ADAM10: variants seen among roughly 807,000 people sequenced by gnomAD.
The protein encoded by ADAM10 is ADAM metallopeptidase domain 10.
In ADAM10, 17 loss-of-function variants were observed where a neutral mutation model predicts 90.1. The observed-to-expected ratio is 0.19, with a 90% confidence interval of 0.13 to 0.28. The LOEUF (loss-of-function observed/expected upper bound fraction) is 0.28. ADAM10 is among the 10% of genes least tolerant of loss of function. ADAM10 has a pLI of 1.00. For missense variants in ADAM10, 610 were observed against 914.3 expected (o/e 0.67, Z 4.29); for synonymous variants, 310 against 298.6 (o/e 1.04, Z -0.40).
chr15:58,613,707 C>A (rs1205954210), intron 11 of ADAM10, among the ~76,000 whole-genome samples: 1 of 151,872 alleles, frequency 6.6e-6, no homozygotes, highest in Non-Finnish European at 1.5e-5. Flanking sequence ...AAAAGAAAAT[C>A]TCTGAACTTC....
intron 1 of ADAM10, among the ~76,000 whole-genome samples, chr15:58,729,548 A>T (rs1218318732): frequency 1.3e-5 from 2 of 152,172 alleles, no homozygotes; most frequent in East Asian, 3.8e-4. Flanking sequence ...GAAGCACTGT[A>T]ACCTTTCTTC....
chr15:58,696,498 C>T (rs1166816364), intron 2 of ADAM10, among the ~76,000 whole-genome samples: 1 of 146,474 alleles, frequency 6.8e-6, no homozygotes, highest in African/African-American at 2.6e-5. Context: ...GAGTCTCACT[C>T]TCTCTCGCCC....
Position 58,589,530 on chromosome 15 carries a change from G to A in ADAM10, c.*8017C>T, listed in dbSNP as rs151156142. ...AAACCCCTCTGTACTGTAACTGCTG[G>A]TTTCTTTCCTTCCGCTAGACCCTCA... On this transcript the variant is annotated 3_prime_UTR_variant, in exon 16 of 16. Transcript: ENST00000260408. 1 of 152,312 alleles carries A rather than the reference G, an allele frequency of 6.6e-6. No homozygotes were observed. The highest frequency in any genetic ancestry group is 1.9e-4 in the East Asian group (1 of 5,186). The allele number at this position is 152,312 out of a possible 1,614,324, so 9.4% of individuals were successfully genotyped here. A position where few individuals can be genotyped will look rare whatever the true frequency, so the allele number is the denominator to read the frequency against.
At chr15:58,694,089 C>T (rs917463242) in intron 2 of ADAM10, among the ~76,000 whole-genome samples, 23 of 152,186 alleles carry the variant, frequency 1.5e-4, no homozygotes, top group African/African-American at 4.8e-4. Flanking sequence ...TCACACACTG[C>T]TGATGGGAAT....
intron 1 of ADAM10, among the ~76,000 whole-genome samples, chr15:58,722,726 C>CTT (rs71116592): frequency 0.092 from 9,529 of 103,830 alleles, 697 homozygotes; most frequent in East Asian, 0.28. Context: ...AATTTGAGAA[C>CTT]TTTTTTTTTT....
chr15:58,636,044 C>T (rs943105727), intron 8 of ADAM10, among the ~76,000 whole-genome samples: 4 of 152,022 alleles, frequency 2.6e-5, no homozygotes, highest in Non-Finnish European at 4.4e-5. Flanking sequence ...TGGGTGGCGG[C>T]GGCAGGCGGA....
At chr15:58,611,689 T>C in intron 12 of ADAM10, 119 bp downstream of exon 12, 1 of 937,830 alleles carries the variant, frequency 1.1e-6, no homozygotes, top group Non-Finnish European at 1.6e-6. Flanking sequence ...TGTGAGGGAA[T>C]ATTACTTAAA....
rs1188011535 is a variant in ADAM10, at chr15:58,590,066, T to C, written c.*7481A>G. 1.3e-5 allele frequency: 2 copies of C among 152,206 alleles called. No individual in the cohort carries two copies. Among genetic ancestry groups the C allele is most frequent in the African/African-American group, 4.8e-5 (2 of 41,436 alleles). 9.4% of individuals were successfully genotyped at this position (152,206 alleles called of 1,614,324 possible). A position where few individuals can be genotyped will look rare whatever the true frequency, so the allele number is the denominator to read the frequency against. On this transcript the variant is annotated 3_prime_UTR_variant, in exon 16 of 16. Coordinates refer to ENST00000260408, the MANE Select transcript of ADAM10 (RefSeq NM_001110.4). The stretch of plus-strand genomic sequence containing the variant: ...GTGCCCAGTATATAACCAATCGACA[T>C]TATTAAAAATTCTATGTAATCTATT...
intron 5 of ADAM10, among the ~76,000 whole-genome samples, chr15:58,647,248 A>ATTTCTTTTTTTTTTTTTTTTTTTT (rs1162350060): frequency 1.7e-4 from 10 of 59,602 alleles, no homozygotes; most frequent in African/African-American, 4.8e-4. Flanking sequence ...GACACTAAGT[A>ATTTCTTTTTTTTTTTTTTTTTTTT]TTTTTTTTTT....
intron 2 of ADAM10, chr15:58,707,497 A>C (rs1344884649): frequency 3.9e-5 from 6 of 152,186 alleles, no homozygotes; most frequent in Non-Finnish European, 8.8e-5. Context: ...ATAAACACAA[A>C]TCTACAAGAG....
At chr15:58,673,891 C>A (rs990441062) in intron 4 of ADAM10, among the ~76,000 whole-genome samples, 1 of 151,986 alleles carries the variant, frequency 6.6e-6, no homozygotes, top group African/African-American at 2.4e-5. Flanking sequence ...CCTGCCACCA[C>A]GCCCGGCTAA....
intron 1 of ADAM10, among the ~76,000 whole-genome samples, chr15:58,743,310 G>C (rs1315758910): frequency 6.6e-6 from 1 of 152,102 alleles, no homozygotes; most frequent in Admixed American, 6.6e-5. Flanking sequence ...GTTGGCAGCA[G>C]TGGCCAATGA....
At chr15:58,689,594 C>T (rs1566996039) in intron 2 of ADAM10, among the ~76,000 whole-genome samples, 1 of 151,798 alleles carries the variant, frequency 6.6e-6, no homozygotes. Flanking sequence ...TAAAAAAGAT[C>T]ATTAAAAAAT....
intron 2 of ADAM10, among the ~76,000 whole-genome samples, chr15:58,704,326 T>C (rs1457881580): frequency 1.3e-5 from 2 of 151,568 alleles, no homozygotes; most frequent in African/African-American, 2.4e-5. Context: ...AAATGGGGAG[T>C]CACTGTTTAA....
intron 2 of ADAM10, among the ~76,000 whole-genome samples, chr15:58,683,423 A>G (rs147572594): frequency 1.5e-3 from 222 of 152,334 alleles, no homozygotes; most frequent in African/African-American, 5.2e-3. Flanking sequence ...TACAATCTCT[A>G]TGGTGGGAAA....
At chr15:58,716,704 T>A (rs1268337101) in intron 2 of ADAM10, among the ~76,000 whole-genome samples, 2 of 152,176 alleles carry the variant, frequency 1.3e-5, no homozygotes, top group Non-Finnish European at 2.9e-5. Flanking sequence ...AGAAAAGTCA[T>A]CTCATAGCAG....
intron 10 of ADAM10, among the ~76,000 whole-genome samples, chr15:58,623,691 T>A (rs1172467698): frequency 4.6e-5 from 7 of 152,156 alleles, no homozygotes; most frequent in Admixed American, 4.6e-4. Context: ...GAAGCCATCA[T>A]ACCCAGAAAA....
At chr15:58,693,136 A>G (rs1345218382) in intron 2 of ADAM10, 2 of 736,872 alleles carry the variant, frequency 2.7e-6, no homozygotes, top group African/African-American at 1.7e-5. Flanking sequence ...GAGTTGGGCA[A>G]TTTCTGCCTA....
intron 4 of ADAM10, among the ~76,000 whole-genome samples, chr15:58,672,071 A>ATGAG (rs35454644): frequency 2.6e-5 from 1 of 37,942 alleles, no homozygotes; most frequent in Non-Finnish European, 3.7e-5. Flanking sequence ...AAAACAAAAT[A>ATGAG]AAAGATAGTT....
Sources: allele counts gnomAD v4.1 joint callset (sites outside exome capture counted in the v4.1 genomes callset), GRCh38; gene constraint gnomAD v4.1.1; transcripts MANE v1.5; gene names NCBI Gene and HGNC (gene_info 2026-07-23, HGNC 2026-07-21).